Variants in LEMD2 observed in about 807,000 individuals in gnomAD.
The protein encoded by LEMD2 is LEM domain nuclear envelope protein 2, also known as LEM domain-containing protein 2.
A neutral mutation model predicts 58.8 loss-of-function variants in LEMD2; 34 were observed. That is an observed-to-expected ratio of 0.58 (90% CI 0.44 to 0.77). The LOEUF is 0.77. Ranked by LOEUF, LEMD2 falls within the 30% of genes least tolerant of loss-of-function variation. The pLI, the probability that LEMD2 is intolerant of heterozygous loss-of-function variation, is 0.00. For synonymous variants in LEMD2, 298 were observed against 308.9 expected, an observed-to-expected ratio of 0.96 and a Z score of 0.37; for missense variants, 629 against 717.9, an observed-to-expected ratio of 0.88 and a Z score of 1.42.
chr6:33,785,453 G>GGACCT (rs1354570936), intron 2 of LEMD2, among the ~76,000 whole-genome samples: 16 of 152,222 alleles, frequency 1.1e-4, no homozygotes, highest in South Asian at 2.1e-4. Context: ...TCTGTAGCTA[G>GGACCT]GACCTGGAGG....
chr6:33,780,781 G>T (rs1767548548), intron 4 of LEMD2, among the ~76,000 whole-genome samples: 1 of 152,162 alleles, frequency 6.6e-6, no homozygotes, highest in Non-Finnish European at 1.5e-5. Context: ...AAAGCCGAAG[G>T]CAAGACGAGC....
intron 8 of LEMD2, among the ~76,000 whole-genome samples, chr6:33,776,215 C>T (rs141102148): frequency 1.3e-5 from 2 of 152,332 alleles, no homozygotes; most frequent in African/African-American, 2.4e-5. Context: ...TGTACGCATG[C>T]GTGTGTGGGA....
In LEMD2 at chr6:33,778,377, C is replaced by T. The variant is rs1416900165; in HGVS notation, c.1021G>A (p.Glu341Lys). 6.4e-7 allele frequency: 1 copy of T among 1,559,466 alleles called. No individual in the cohort carries two copies. Among genetic ancestry groups the T allele is most frequent in the South Asian group, 1.2e-5 (1 of 83,502 alleles). Residue 341 changes from glutamate (E) to lysine (K), a missense_variant, in exon 6 of 9, where the codon GAA (glutamate) becomes AAA (lysine). Glu to Lys is a moderately conservative substitution (Grantham distance 56, BLOSUM62 1). This residue lies in a region of LEMD2 where 243 missense variants were observed against 336.8 expected (regional missense o/e 0.72). Coordinates refer to ENST00000293760, the MANE Select transcript of LEMD2 (RefSeq NM_181336.4). This position sits in a 1 kb window ranked among gnomAD's most constrained non-coding sequence, Gnocchi z 4.7. Reference sequence around the variant, plus strand: ...GTCGTCACCAATTCAGACTGGTCTTCTCCTTTCAACCTGAAACAGGACACA... The same window carrying T: ...GTCGTCACCAATTCAGACTGGTCTTTTCCTTTCAACCTGAAACAGGACACA... ...NKDVGIWLKGEDQSELVTTVD... is the reference protein window; with the variant it reads ...NKDVGIWLKGKDQSELVTTVD...
At chr6:33,776,716 A>C in intron 8 of LEMD2, 1 of 545,022 alleles carries the variant, frequency 1.8e-6, no homozygotes, top group East Asian at 3.1e-5. Flanking sequence ...CACCACTGCC[A>C]GTGTTCTCTC....
intron 4 of LEMD2, 25 bp downstream of exon 4, chr6:33,781,052 T>A: frequency 6.5e-7 from 1 of 1,534,778 alleles, no homozygotes; most frequent in South Asian, 1.1e-5. Context: ...CTCCCAGGAA[T>A]GTATAAGCAC....
At chr6:33,784,473 AGGGGT>A in intron 2 of LEMD2, 46 bp from the exon 3 acceptor site, 3 of 45,280 alleles carry the variant, frequency 6.6e-5, no homozygotes, top group East Asian at 5.2e-4. Flanking sequence ...GGTGGGTGGG[AGGGGT>A]CCGTCTGTCC....
At chr6:33,777,625 C>A (rs961580195) in intron 6 of LEMD2, among the ~76,000 whole-genome samples, 2 of 152,122 alleles carry the variant, frequency 1.3e-5, no homozygotes, top group Non-Finnish European at 2.9e-5. Context: ...TGCCTGATGG[C>A]ACAGGGGAGG....
chr6:33,784,859 G>A (rs900936310), intron 2 of LEMD2, among the ~76,000 whole-genome samples: 1 of 152,176 alleles, frequency 6.6e-6, no homozygotes, highest in African/African-American at 2.4e-5. Flanking sequence ...TGCAGACAGG[G>A]CAGAATGTCA....
At chr6:33,782,321 C>T (rs955625178) in intron 3 of LEMD2, 1 of 152,358 alleles carries the variant, frequency 6.6e-6, no homozygotes, top group Non-Finnish European at 1.5e-5. Flanking sequence ...CTTCCTGGCA[C>T]CTGGCTCTCA....
intron 3 of LEMD2, among the ~76,000 whole-genome samples, chr6:33,784,080 A>G (rs1286367342): frequency 1.3e-5 from 2 of 152,254 alleles, no homozygotes; most frequent in Non-Finnish European, 2.9e-5. Context: ...ATCCCCAAGA[A>G]GGAAGAACAG....
chr6:33,777,524 C>T (rs949683835), intron 6 of LEMD2, among the ~76,000 whole-genome samples: 5 of 152,232 alleles, frequency 3.3e-5, no homozygotes, highest in South Asian at 4.1e-4. Flanking sequence ...CTTTCATCTC[C>T]TCCCTTGTGA....
intron 5 of LEMD2, chr6:33,779,039 A>C (rs1034452913): frequency 2.6e-5 from 4 of 152,140 alleles, no homozygotes; most frequent in Non-Finnish European, 5.9e-5. Context: ...TGCATGCTGG[A>C]ATGGCTGGCA....
chr6:33,788,744 G>GGGCA lies in LEMD2; in HGVS notation c.369_372dup (p.Arg125CysfsTer78). 1 of 1,439,198 alleles carries GGGCA rather than the reference G, an allele frequency of 6.9e-7. No homozygotes were observed. Among genetic ancestry groups the GGGCA allele is most frequent in the Non-Finnish European group, 9.1e-7 (1 of 1,097,844 alleles). 89.2% of individuals were successfully genotyped at this position (1,439,198 alleles called of 1,614,324 possible). ...GCGCGGCGCCTGAGTTGCGCCGGGC[G>GGGCA]GGCAGGATAGGCGAGGCCGCGGCTC... On this transcript the variant is annotated frameshift_variant, in exon 1 of 9. Transcript: ENST00000293760. LOFTEE classifies it high-confidence loss of function.
At chr6:33,787,604 T>C (rs1190033310) in intron 1 of LEMD2, among the ~76,000 whole-genome samples, 2 of 152,260 alleles carry the variant, frequency 1.3e-5, no homozygotes, top group Non-Finnish European at 2.9e-5. Context: ...TGGCCCTTTA[T>C]ACCTAAATGT....
intron 4 of LEMD2, chr6:33,780,408 G>A (rs778921444): frequency 9.4e-5 from 52 of 551,520 alleles, no homozygotes; most frequent in Non-Finnish European, 1.4e-4. Context: ...AAAACAGTGC[G>A]GGTCTGAGGC....
At chr6:33,774,587 G>A (rs1767387746) in intron 8 of LEMD2, among the ~76,000 whole-genome samples, 1 of 151,980 alleles carries the variant, frequency 6.6e-6, no homozygotes, top group Non-Finnish European at 1.5e-5. Context: ...ATGCCACCAT[G>A]CCCGGCTAAT....
chr6:33,786,555 T>A (rs1767681251), intron 2 of LEMD2, among the ~76,000 whole-genome samples, 179 bp downstream of exon 2: 1 of 152,208 alleles, frequency 6.6e-6, no homozygotes, highest in African/African-American at 2.4e-5. Context: ...CTATTTCAAG[T>A]ATTCCTTCAC....
Position 33,788,867 on chromosome 6 carries a change from G to C in LEMD2, c.250C>G (p.Arg84Gly). The C allele has an allele frequency of 1.5e-6, 2 of 1,378,410 alleles. No individual in the cohort carries two copies. The highest frequency in any genetic ancestry group is 1.7e-5 in the South Asian group (1 of 60,320). The allele number at this position is 1,378,410 out of a possible 1,614,324, so 85.4% of individuals were successfully genotyped here. Residue 84 changes from arginine to glycine, a missense_variant, in exon 1 of 9, where the codon CGG (arginine) becomes GGG (glycine). Arg to Gly is a moderately radical substitution (Grantham distance 125). Around this residue, in one of 2 missense-constraint regions of LEMD2, gnomAD observed 386 missense variants for 381.1 expected, o/e 1.01. Coordinates refer to ENST00000293760, the MANE Select transcript of LEMD2 (RefSeq NM_181336.4). ...LRARPAAASP[R>G]AEPWLSQPAS... ...GGCTGGGAGAGCCAGGGCTCCGCCC[G>C]CGGAGAGGCCGCGGCGGGCCGGGCG...
chr6:33,779,991 C>G (rs948965892), intron 5 of LEMD2, 109 bp downstream of exon 5: 7 of 914,012 alleles, frequency 7.7e-6, no homozygotes, highest in Non-Finnish European at 1.2e-5. Context: ...GGAGACCCAG[C>G]CTCCAGCTTC....
Sources: allele counts gnomAD v4.1 joint callset (sites outside exome capture counted in the v4.1 genomes callset), GRCh38; gene constraint gnomAD v4.1.1; regional missense constraint gnomAD v4.1.1; non-coding constraint Gnocchi (gnomAD v3.1); transcripts MANE v1.5; gene names NCBI Gene and HGNC (gene_info 2026-07-23, HGNC 2026-07-21).